Variants in MDN1 observed in about 807,000 individuals in gnomAD.
The protein encoded by MDN1 is midasin AAA ATPase 1.
Under a neutral mutation model 669.2 loss-of-function variants are expected in MDN1, and 266 were observed. The ratio of observed to expected loss-of-function variants is 0.40; its 90% CI spans 0.36 to 0.44. MDN1 has a LOEUF of 0.44. Among genes scored for constraint, MDN1 ranks in the 20% least tolerant of loss-of-function variants. The pLI, the probability that MDN1 is intolerant of heterozygous loss-of-function variation, is 1.00. For missense variants in MDN1, 5,940 were observed against 6,754.0 expected (o/e 0.88, Z 4.22); for synonymous variants, 2,385 against 2,457.1 (o/e 0.97, Z 0.87).
At position 89,735,333 on chromosome 6, in the gene MDN1, ATT is replaced by A. The variant is rs200979149; in HGVS notation, c.4724-2560_4724-2559del. On this transcript the variant is annotated intron_variant, in intron 33 of 101. Transcript: ENST00000369393. Reference sequence around the variant, plus strand: ...CAGTTCATGTGCCTTTCACAGGTCAATTTTTTTTTTTTTTAAACACATCAATA... The same window carrying A: ...CAGTTCATGTGCCTTTCACAGGTCAATTTTTTTTTTTTAAACACATCAATA... Among the ~76,000 whole-genome samples, 981 of 138,300 alleles carry A rather than the reference ATT, an allele frequency of 7.1e-3. 11 individuals carry two copies. Among genetic ancestry groups the A allele is most frequent in the African/African-American group, 0.025 (930 of 37,430 alleles). 90.7% of individuals were successfully genotyped at this position (138,300 alleles called of 152,430 possible). A position where few individuals can be genotyped will look rare whatever the true frequency, so the allele number is the denominator to read the frequency against.
chr6:89,757,270 G>A (rs2128319982), intron 19 of MDN1, among the ~76,000 whole-genome samples: 1 of 152,270 alleles, frequency 6.6e-6, no homozygotes, highest in South Asian at 2.1e-4. Flanking sequence ...TCAGTGCTTA[G>A]TGGCGAAAAA....
rs374449560 is a variant in MDN1, at chr6:89,790,004, TGTAA to T, written c.1099-97_1099-94del. The T allele has an allele frequency of 6.4e-4, 1,017 of 1,583,720 alleles. 5 individuals are homozygous for T. The Middle Eastern group carries it at 7.0e-3, about 11-fold the overall frequency. On this transcript the variant is annotated intron_variant, in intron 6 of 101. Transcript: ENST00000369393. ...TAACTGTTAATCTTCTATAGGTAGG[TGTAA>T]GTAAGTAGGCACTTGAGGTTTACAT...
chr6:89,666,940 T>C (rs1348479954), intron 84 of MDN1, among the ~76,000 whole-genome samples: 1 of 152,230 alleles, frequency 6.6e-6, no homozygotes, highest in Non-Finnish European at 1.5e-5. Context: ...ATATTTGGAT[T>C]GTTTCACAAT....
chr6:89,702,935 G>A (rs562129390), intron 53 of MDN1, among the ~76,000 whole-genome samples: 42 of 130,912 alleles, frequency 3.2e-4, no homozygotes, highest in Non-Finnish European at 6.2e-4. Context: ...AGGGGTAAAG[G>A]CCCTTTTTTT....
intron 63 of MDN1, among the ~76,000 whole-genome samples, chr6:89,691,493 A>G (rs986740915): frequency 6.6e-6 from 1 of 152,208 alleles, no homozygotes; most frequent in African/African-American, 2.4e-5. Context: ...ATTTGTATCC[A>G]AATATATAGC....
chr6:89,699,788 C>A, intron 57 of MDN1, 61 bp from the exon 58 acceptor site: 1 of 1,551,944 alleles, frequency 6.4e-7, no homozygotes. Flanking sequence ...TACTGGAAAG[C>A]TGCTACATTA....
rs566154514 is a variant in MDN1, at chr6:89,753,202, A to T, written c.3075+310T>A. Among the ~76,000 whole-genome samples the T allele has an allele frequency of 1.8e-4, 28 of 152,260 alleles. No homozygotes were observed. The South Asian group carries it at 5.4e-3, about 29-fold the overall frequency. Reference sequence around the variant, plus strand: ...CCACTTACATTAAACGCATATTACAATTTTTTACAATTTTACAATTTACCT... The same window carrying T: ...CCACTTACATTAAACGCATATTACATTTTTTTACAATTTTACAATTTACCT... On this transcript the variant is annotated intron_variant, in intron 22 of 101. Transcript: ENST00000369393.
chr6:89,676,352 G>T, intron 76 of MDN1, 145 bp from the exon 77 acceptor site: 2 of 686,096 alleles, frequency 2.9e-6, no homozygotes, highest in South Asian at 1.7e-5. Context: ...CATTCAGTGA[G>T]GCACTCATTA....
chr6:89,671,891 A>G (rs1810804399), intron 82 of MDN1, among the ~76,000 whole-genome samples: 1 of 152,244 alleles, frequency 6.6e-6, no homozygotes, highest in Admixed American at 6.5e-5. Context: ...GCCTCAGTTG[A>G]TAACATCGTC....
At position 89,670,139 on chromosome 6, in the gene MDN1, C is replaced by CAT. The variant is rs1168606501; in HGVS notation, c.13956+778_13956+779dup. The stretch of plus-strand genomic sequence containing the variant: ...TTTGGAGACTCTGTCTCCAAAAAAA[C>CAT]ATATATATATATATATATATATATA... On this transcript the variant is annotated intron_variant, in intron 83 of 101. Coordinates refer to ENST00000369393, the MANE Select transcript of MDN1 (RefSeq NM_014611.3). Among the ~76,000 whole-genome samples the CAT allele has an allele frequency of 5.2e-3, 253 of 48,960 alleles. 5 individuals carry two copies. Among genetic ancestry groups the CAT allele is most frequent in the Non-Finnish European group, 5.9e-3 (198 of 33,826 alleles). The allele number at this position is 48,960 out of a possible 152,430, so 32.1% of individuals were successfully genotyped here. A position where few individuals can be genotyped will look rare whatever the true frequency, so the allele number is the denominator to read the frequency against.
At chr6:89,697,963 T>TTTC (rs1812882287) in intron 59 of MDN1, among the ~76,000 whole-genome samples, 1 of 151,958 alleles carries the variant, frequency 6.6e-6, no homozygotes, top group Admixed American at 6.6e-5. Context: ...AACGTGAAAA[T>TTTC]ATGTTCAATC....
intron 19 of MDN1, 122 bp downstream of exon 19, chr6:89,758,133 T>C: frequency 1.4e-6 from 1 of 701,464 alleles, no homozygotes; most frequent in African/African-American, 1.8e-5. Flanking sequence ...AGGTGGGAGG[T>C]GGGAGGACTG....
At chr6:89,746,615 G>A (rs9444705) in intron 27 of MDN1, among the ~76,000 whole-genome samples, 40 of 7,676 alleles carry the variant, frequency 5.2e-3, no homozygotes, top group East Asian at 8.5e-3. Flanking sequence ...AAAAAAAAAA[G>A]AAAGAAAGAA....
chr6:89,647,050 G>A (rs921394504), intron 99 of MDN1, among the ~76,000 whole-genome samples: 5 of 152,192 alleles, frequency 3.3e-5, no homozygotes, highest in African/African-American at 1.2e-4. Context: ...ACCTCCCAAA[G>A]TGCTGGGATT....
At chr6:89,677,929 C>T (rs1811326670) in intron 75 of MDN1, among the ~76,000 whole-genome samples, 1 of 152,216 alleles carries the variant, frequency 6.6e-6, no homozygotes, top group East Asian at 1.9e-4. Context: ...GCACTGCTCT[C>T]TATGCTATGC....
Position 89,650,095 on chromosome 6 carries a change from T to C in MDN1, c.16135A>G (p.Ser5379Gly). Reference protein sequence around the residue: ...DKIWLRRTKPSKRQYQICLAI... With the variant: ...DKIWLRRTKPGKRQYQICLAI... ...AAACAAATCTGATACTGGCGTTTAC[T>C]GGGCTTGGTCCTTCGAAGCCAAATC... The change falls in exon 97 of 102, where the codon AGT (serine) becomes GGT (glycine). Residue 5379 changes from serine to glycine, a missense_variant. Physicochemically the swap from Ser to Gly is moderately conservative, Grantham distance 56. Around this residue, in one of 5 missense-constraint regions of MDN1, gnomAD observed 2,280 missense variants for 2,576.3 expected, o/e 0.88. Transcript: ENST00000369393. The C allele has an allele frequency of 6.2e-7, 1 of 1,614,216 alleles. No homozygotes were observed. Among genetic ancestry groups the C allele is most frequent in the Non-Finnish European group, 8.5e-7 (1 of 1,180,040 alleles).
chr6:89,797,204 T>C (rs1031176670), intron 2 of MDN1, among the ~76,000 whole-genome samples: 6 of 151,590 alleles, frequency 4.0e-5, no homozygotes, highest in East Asian at 1.9e-4. Context: ...ACCCCGTCTC[T>C]ACTAAAAATA....
chr6:89,656,786 C>A lies in MDN1; in HGVS notation c.15199G>T (p.Ala5067Ser). 6.2e-7 allele frequency: 1 copy of A among 1,613,096 alleles called. No individual in the cohort carries two copies. The highest frequency in any genetic ancestry group is 1.1e-5 in the South Asian group (1 of 90,856). ...EQGKEEHGSG[A>S]ADANQAEGHE... ...CCTTCTGCCTGGTTTGCATCTGCAGCTCCACTTCCGTGTTCCTAGGAAATC... is the reference window on the plus strand; with the variant it reads ...CCTTCTGCCTGGTTTGCATCTGCAGATCCACTTCCGTGTTCCTAGGAAATC... The change falls in exon 91 of 102, where the codon GCT becomes TCT. Residue 5067 changes from alanine (A) to serine (S), a missense_variant. Coordinates refer to ENST00000369393, the MANE Select transcript of MDN1 (RefSeq NM_014611.3).
chr6:89,674,569 T>A lies in MDN1; in HGVS notation c.12782A>T (p.Gln4261Leu). The A allele has an allele frequency of 6.3e-7, 1 of 1,579,790 alleles. No homozygotes were observed. The highest frequency in any genetic ancestry group is 8.6e-7 in the Non-Finnish European group (1 of 1,168,748). ...IILRNLLSCV[Q>L]EIHSRLMGPQ... Reference sequence around the variant, plus strand: ...CCCCATCAGCCTGCTGTGAATCTCTTGCACACAGCTGAGGAGGTTCCTGTA... The same window carrying A: ...CCCCATCAGCCTGCTGTGAATCTCTAGCACACAGCTGAGGAGGTTCCTGTA... Residue 4261 changes from glutamine (Q) to leucine (L), a missense_variant, in exon 79 of 102, where the codon CAA (glutamine) becomes CTA (leucine). Transcript: ENST00000369393.
Sources: gnomAD v4.1 joint callset for allele counts (sites outside exome capture counted in the v4.1 genomes callset) on GRCh38, gnomAD v4.1.1 for gene constraint, gnomAD v4.1.1 regional missense constraint, MANE v1.5 for transcripts, NCBI Gene and HGNC (gene_info 2026-07-23, HGNC 2026-07-21) for gene names.